Variants in DAB1 observed in about 807,000 individuals in gnomAD.
DAB1 encodes the protein disabled homolog 1.
DAB1 carries 15 observed loss-of-function variants against 64.6 expected under a neutral mutation model. The observed-to-expected ratio is 0.23, with a 90% CI of 0.16 to 0.36. The LOEUF (loss-of-function observed/expected upper bound fraction) is 0.36. Ranked by LOEUF, DAB1 falls within the 10% of genes least tolerant of loss-of-function variation. The probability of loss-of-function intolerance (pLI) is 1.00; values close to 1 mark genes in which losing one functional copy is unlikely to be tolerated. For missense variants in DAB1, 596 were observed against 706.7 expected (o/e 0.84, Z 1.78); for synonymous variants, 235 against 251.9 (o/e 0.93, Z 0.64).
chr1:57,790,004 G>A (rs1234219654), intron 6 of DAB1, among the ~76,000 whole-genome samples: 1 of 152,102 alleles, frequency 6.6e-6, no homozygotes, highest in African/African-American at 2.4e-5. Context: ...TGGATATATG[G>A]CTAACAGGAG....
chr1:58,438,895 C>G (rs772750938), intron 3 of DAB1, among the ~76,000 whole-genome samples: 1 of 152,188 alleles, frequency 6.6e-6, no homozygotes, highest in Non-Finnish European at 1.5e-5. Context: ...AAACCACTTG[C>G]GTCTGAATCC....
intron 5 of DAB1, among the ~76,000 whole-genome samples, chr1:57,904,818 T>A (rs1644527414): frequency 1.3e-5 from 2 of 151,858 alleles, no homozygotes; most frequent in South Asian, 4.2e-4. Context: ...ATGGGAGGAG[T>A]CAAGGGCTAG....
At chr1:57,921,322 G>T (rs1195848944) in intron 5 of DAB1, among the ~76,000 whole-genome samples, 2 of 152,142 alleles carry the variant, frequency 1.3e-5, no homozygotes, top group Non-Finnish European at 2.9e-5. Flanking sequence ...TTTGCCACTT[G>T]GGAAGGAAAT....
chr1:58,344,960 T>C (rs1643980158), intron 3 of DAB1, among the ~76,000 whole-genome samples: 1 of 152,204 alleles, frequency 6.6e-6, no homozygotes, highest in African/African-American at 2.4e-5. Context: ...GCCATTGTAA[T>C]AGGCTTCTAA....
chr1:57,688,166 C>T (rs1322087851), intron 6 of DAB1, among the ~76,000 whole-genome samples: 3 of 152,126 alleles, frequency 2.0e-5, no homozygotes, highest in African/African-American at 7.2e-5. Flanking sequence ...AACTACACAT[C>T]TGACAAAGAT....
intron 7 of DAB1, among the ~76,000 whole-genome samples, chr1:57,522,818 A>G (rs1644544684): frequency 6.6e-6 from 1 of 152,210 alleles, no homozygotes; most frequent in Non-Finnish European, 1.5e-5. Flanking sequence ...TAAAGCAGGC[A>G]GAAGAATGTG....
chr1:57,314,442 A>G (rs777478930), intron 1 of DAB1, among the ~76,000 whole-genome samples: 2 of 151,800 alleles, frequency 1.3e-5, no homozygotes, highest in South Asian at 4.1e-4. Context: ...TTCAACTTTC[A>G]TCAGAGGATT....
chr1:57,685,318 G>C (rs1646683391), intron 6 of DAB1, among the ~76,000 whole-genome samples: 1 of 151,424 alleles, frequency 6.6e-6, no homozygotes, highest in Admixed American at 6.6e-5. Flanking sequence ...ACAAAAAAAT[G>C]GTATTACATA....
intron 5 of DAB1, among the ~76,000 whole-genome samples, chr1:58,014,095 G>A (rs1646706570): frequency 6.6e-6 from 1 of 151,984 alleles, no homozygotes; most frequent in Non-Finnish European, 1.5e-5. Flanking sequence ...CTGTTACTGT[G>A]TTACTCCTAC....
chr1:58,335,915 AG>A (rs1663106785), intron 4 of DAB1, among the ~76,000 whole-genome samples: 1 of 152,192 alleles, frequency 6.6e-6, no homozygotes, highest in Non-Finnish European at 1.5e-5. Flanking sequence ...ATTACCTACA[AG>A]GTGCTTCACA....
chr1:57,895,962 C>T (rs1329423561), intron 5 of DAB1, among the ~76,000 whole-genome samples: 1 of 152,036 alleles, frequency 6.6e-6, no homozygotes, highest in Non-Finnish European at 1.5e-5. Context: ...TGTGGCTCTA[C>T]CAACTACTGA....
At chr1:58,094,815 T>C (rs1170344055) in intron 5 of DAB1, among the ~76,000 whole-genome samples, 1 of 152,200 alleles carries the variant, frequency 6.6e-6, no homozygotes, top group South Asian at 2.1e-4. Context: ...TATGGTGGCA[T>C]TAAAATGCAG....
chr1:57,011,027 C>T (rs1646250545), intron 13 of DAB1, 118 bp downstream of exon 13: 1 of 1,359,758 alleles, frequency 7.4e-7, no homozygotes, highest in Non-Finnish European at 1.0e-6. Context: ...CCCTTGAGAA[C>T]TTATGAGATT....
intron 1 of DAB1, among the ~76,000 whole-genome samples, chr1:57,312,861 T>G (rs2100738177): frequency 6.6e-6 from 1 of 152,224 alleles, no homozygotes; most frequent in South Asian, 2.1e-4. Context: ...TTGCTCATTA[T>G]CTCAGAGTTC....
chr1:57,409,116 C>T (rs540913586), intron 1 of DAB1, among the ~76,000 whole-genome samples: 1 of 152,168 alleles, frequency 6.6e-6, no homozygotes, highest in Non-Finnish European at 1.5e-5. Context: ...AACTCCTGGC[C>T]TTTTTCCCCA....
At chr1:57,256,899 G>A (rs1308218045) in intron 2 of DAB1, among the ~76,000 whole-genome samples, 2 of 152,206 alleles carry the variant, frequency 1.3e-5, no homozygotes, top group East Asian at 3.9e-4. Flanking sequence ...CAGTCTAGCA[G>A]CCACTGTTCC....
chr1:57,267,584 C>A (rs1390278483), intron 2 of DAB1, among the ~76,000 whole-genome samples: 3 of 152,160 alleles, frequency 2.0e-5, no homozygotes, highest in Non-Finnish European at 2.9e-5. Flanking sequence ...CACTTCGCAG[C>A]CCGAGTACCT....
At chr1:57,695,357 GAAAGAAGA>G (rs1646820133) in intron 6 of DAB1, among the ~76,000 whole-genome samples, 1 of 16,018 alleles carries the variant, frequency 6.2e-5, no homozygotes, top group Admixed American at 8.8e-4. Flanking sequence ...AGAAAGAAAA[GAAAGAAGA>G]AAGAAAGAAA....
intron 2 of DAB1, among the ~76,000 whole-genome samples, chr1:57,160,116 T>C (rs1025983521): frequency 6.6e-5 from 10 of 152,222 alleles, no homozygotes; most frequent in Non-Finnish European, 4.4e-5. Context: ...TGGGCTTGTG[T>C]CTTTTTCCTG....
Sources: gnomAD v4.1 joint callset for allele counts (sites outside exome capture counted in the v4.1 genomes callset) on GRCh38, gnomAD v4.1.1 for gene constraint, MANE v1.5 for transcripts, NCBI Gene and HGNC (gene_info 2026-07-23, HGNC 2026-07-21) for gene names.